Variants in APCDD1L observed in about 807,000 individuals in gnomAD.
The protein encoded by APCDD1L is APC down-regulated 1 like, also known as protein APCDD1-like.
A neutral mutation model predicts 24.2 loss-of-function variants in APCDD1L; 21 were observed. The ratio of observed to expected loss-of-function variants is 0.87; its 90% CI spans 0.61 to 1.25. The LOEUF (loss-of-function observed/expected upper bound fraction) is 1.25, where lower values mean the gene tolerates loss of function less well. Ranked by LOEUF, APCDD1L falls within the 50% of genes most tolerant of loss-of-function variation. The pLI, the probability that APCDD1L is intolerant of heterozygous loss-of-function variation, is 0.00. For synonymous variants in APCDD1L, 321 were observed against 323.6 expected, an observed-to-expected ratio of 0.99 and a Z score of 0.09; for missense variants, 704 against 711.7, an observed-to-expected ratio of 0.99 and a Z score of 0.12.
At chr20:58,504,412 T>A (rs1329787896) in intron 1 of APCDD1L, among the ~76,000 whole-genome samples, 1 of 152,156 alleles carries the variant, frequency 6.6e-6, no homozygotes, top group Non-Finnish European at 1.5e-5. Flanking sequence ...TAAGCAGCCA[T>A]GAGGCCATCA....
intron 3 of APCDD1L, among the ~76,000 whole-genome samples, chr20:58,464,872 C>G (rs1434129886): frequency 7.5e-6 from 1 of 134,014 alleles, no homozygotes; most frequent in Admixed American, 7.5e-5. Flanking sequence ...TTTTTTTTCT[C>G]CCAAGGAGAC....
chr20:58,467,777 C>T lies in APCDD1L; in HGVS notation c.189-119G>A, dbSNP rs542326338. 2 of 1,065,640 alleles carry T rather than the reference C, an allele frequency of 1.9e-6. No individual in the cohort carries two copies. The highest frequency in any genetic ancestry group is 1.7e-5 in the African/African-American group (1 of 60,022). 66.0% of individuals were successfully genotyped at this position (1,065,640 alleles called of 1,614,324 possible). ...CCCTCCTCTTAGTCCTCAGCTCAGGCCTGGGCCCCTCCAGCCTCAGTTCCC... is the reference window on the plus strand; with the variant it reads ...CCCTCCTCTTAGTCCTCAGCTCAGGTCTGGGCCCCTCCAGCCTCAGTTCCC... On this transcript the variant is annotated intron_variant, in intron 2 of 3. Transcript: ENST00000371149. The surrounding 1 kb of genome is among the most constrained non-coding windows in gnomAD (Gnocchi z 5.9).
At chr20:58,493,626 C>T (rs145632655) in intron 1 of APCDD1L, among the ~76,000 whole-genome samples, 3 of 152,102 alleles carry the variant, frequency 2.0e-5, no homozygotes, top group Non-Finnish European at 4.4e-5. Context: ...GGAGCTATGA[C>T]TTTCATCAAC....
At chr20:58,470,139 C>T (rs891988156) in intron 2 of APCDD1L, among the ~76,000 whole-genome samples, 2 of 152,218 alleles carry the variant, frequency 1.3e-5, no homozygotes, top group Non-Finnish European at 2.9e-5. Context: ...TTCCCTGGCT[C>T]TCTAGATGGC....
intron 1 of APCDD1L, among the ~76,000 whole-genome samples, chr20:58,490,391 C>T (rs901438869): frequency 6.6e-6 from 1 of 152,188 alleles, no homozygotes; most frequent in Non-Finnish European, 1.5e-5. Flanking sequence ...CATGGTGCAC[C>T]TTCACACCAT....
intron 1 of APCDD1L, among the ~76,000 whole-genome samples, chr20:58,502,349 C>T (rs1373470237): frequency 6.6e-6 from 1 of 152,194 alleles, no homozygotes; most frequent in Non-Finnish European, 1.5e-5. Flanking sequence ...GATCCACCCG[C>T]CTCGGCCTCC....
intron 1 of APCDD1L, among the ~76,000 whole-genome samples, chr20:58,495,264 T>C (rs1311208424): frequency 3.3e-5 from 5 of 152,130 alleles, no homozygotes. Flanking sequence ...ACACGGCCCC[T>C]TGTTCAAAAA....
At chr20:58,463,080 T>C (rs1989641872) in intron 3 of APCDD1L, among the ~76,000 whole-genome samples, 1 of 136,576 alleles carries the variant, frequency 7.3e-6, no homozygotes, top group Non-Finnish European at 1.5e-5. Flanking sequence ...AGGCAGAGGC[T>C]GCAGTGAGCC....
chr20:58,512,953 T>C (rs1484210898), intron 1 of APCDD1L, among the ~76,000 whole-genome samples: 1 of 152,108 alleles, frequency 6.6e-6, no homozygotes, highest in African/African-American at 2.4e-5. Flanking sequence ...CTGTCTGATT[T>C]GCTGTGGTGA....
At position 58,486,871 on chromosome 20, in the gene APCDD1L, T is replaced by C. The variant is rs554814020; in HGVS notation, c.50-16124A>G. 2.5e-3 allele frequency among the ~76,000 whole-genome samples: 342 copies of C among 136,376 alleles called. 2 individuals carry two copies. Among genetic ancestry groups the C allele is most frequent in the Non-Finnish European group, 3.5e-3 (227 of 64,076 alleles). The allele number at this position is 136,376 out of a possible 152,430, so 89.5% of individuals were successfully genotyped here. A position where few individuals can be genotyped will look rare whatever the true frequency, so the allele number is the denominator to read the frequency against. On this transcript the variant is annotated intron_variant, in intron 1 of 3. Transcript: ENST00000371149. ...GAGGGAAGGTTTTTTTTTTTTTTTTTTTTTTTTTGAGATGAAGTCTTGCTC... is the reference window on the plus strand; with the variant it reads ...GAGGGAAGGTTTTTTTTTTTTTTTTCTTTTTTTTGAGATGAAGTCTTGCTC...
At position 58,514,787 on chromosome 20, in the gene APCDD1L, G is replaced by T; in HGVS notation, c.-80C>A. The T allele has an allele frequency of 1.7e-6, 2 of 1,172,148 alleles. No homozygotes were observed. Among genetic ancestry groups the T allele is most frequent in the Non-Finnish European group, 2.2e-6 (2 of 921,158 alleles). 72.6% of individuals were successfully genotyped at this position (1,172,148 alleles called of 1,614,324 possible). A position where few individuals can be genotyped will look rare whatever the true frequency, so the allele number is the denominator to read the frequency against. ...GGCGCGGGCGCAGGGCTCTCGGACG[G>T]CTGCGGGCGCCGGCGGCCAGGCTGG... On this transcript the variant is annotated 5_prime_UTR_variant, in exon 1 of 4. Coordinates refer to ENST00000371149, the MANE Select transcript of APCDD1L (RefSeq NM_153360.3).
chr20:58,491,451 G>C (rs1230196450), intron 1 of APCDD1L, among the ~76,000 whole-genome samples: 1 of 152,100 alleles, frequency 6.6e-6, no homozygotes, highest in Non-Finnish European at 1.5e-5. Context: ...ATTACATCTT[G>C]TAACAGCACA....
At chr20:58,501,958 T>G (rs555667080) in intron 1 of APCDD1L, among the ~76,000 whole-genome samples, 1 of 152,220 alleles carries the variant, frequency 6.6e-6, no homozygotes, top group Admixed American at 6.5e-5. Flanking sequence ...TTTTCATCTC[T>G]TAGGACTGGG....
In APCDD1L at chr20:58,461,397, C is replaced by A; in HGVS notation, c.899G>T (p.Arg300Leu). 1 of 1,553,734 alleles carries A rather than the reference C, an allele frequency of 6.4e-7. No homozygotes were observed. Among genetic ancestry groups the A allele is most frequent in the Non-Finnish European group, 8.7e-7 (1 of 1,145,598 alleles). Residue 300 changes from arginine (R) to leucine (L), a missense_variant, in exon 4 of 4, where the codon CGG (arginine) becomes CTG (leucine). Arg to Leu is a moderately radical substitution (Grantham distance 102). Coordinates refer to ENST00000371149, the MANE Select transcript of APCDD1L (RefSeq NM_153360.3). The surrounding 1 kb of genome is among the most constrained non-coding windows in gnomAD (Gnocchi z 6.0). Reference protein sequence around the residue: ...EVRPAVLFLTRLFTFHGHSRS... With the variant: ...EVRPAVLFLTLLFTFHGHSRS... The stretch of plus-strand genomic sequence containing the variant: ...GCTGTGCCCGTGGAAAGTGAAGAGC[C>A]GGGTGAGGAACAGGACTGCTGGGCG...
chr20:58,467,876 T>C lies in APCDD1L; in HGVS notation c.189-218A>G, dbSNP rs1055746413. ...TGCCTCGTGGCCTCGACACAAGCCT[T>C]CTAGTTCATTCTCCTTTCCTTCAAT... On this transcript the variant is annotated intron_variant, in intron 2 of 3. Coordinates refer to ENST00000371149, the MANE Select transcript of APCDD1L (RefSeq NM_153360.3). This position sits in a 1 kb window ranked among gnomAD's most constrained non-coding sequence, Gnocchi z 5.9. Among the ~76,000 whole-genome samples, 3 of 152,222 alleles carry C rather than the reference T, an allele frequency of 2.0e-5. No individual in the cohort carries two copies. Among genetic ancestry groups the C allele is most frequent in the Middle Eastern group, 3.4e-3 (1 of 294 alleles).
Position 58,515,038 on chromosome 20 carries a change from CCCTGGCCGTCG to C in APCDD1L, c.-342_-332del, listed in dbSNP as rs1291068977. The C allele has an allele frequency of 3.9e-6, 1 of 258,244 alleles. No individual in the cohort carries two copies. Among genetic ancestry groups the C allele is most frequent in the African/African-American group, 2.2e-5 (1 of 44,894 alleles). The allele number at this position is 258,244 out of a possible 1,614,324, so 16.0% of individuals were successfully genotyped here. A position where few individuals can be genotyped will look rare whatever the true frequency, so the allele number is the denominator to read the frequency against. ...CCCAGCCCTCCCCCAGATGTCCGTCCCCTGGCCGTCGCCTTCCCCAAAGTCTTCGCAGTGGG... is the reference window on the plus strand; with the variant it reads ...CCCAGCCCTCCCCCAGATGTCCGTCCCCTTCCCCAAAGTCTTCGCAGTGGG... On this transcript the variant is annotated 5_prime_UTR_variant, in exon 1 of 4. Coordinates refer to ENST00000371149, the MANE Select transcript of APCDD1L (RefSeq NM_153360.3).
chr20:58,514,702 G>T lies in APCDD1L; in HGVS notation c.6C>A (p.Pro2=). M[P]AAMLPYACVL... ...CGCAAGCGTAGGGGAGCATGGCTGCGGGCATCCCGTCGGGGCTGGCAGGAC... is the reference window on the plus strand; with the variant it reads ...CGCAAGCGTAGGGGAGCATGGCTGCTGGCATCCCGTCGGGGCTGGCAGGAC... Residue 2 remains proline (P), a synonymous_variant, in exon 1 of 4, where the codon CCC becomes CCA. Transcript: ENST00000371149. The T allele has an allele frequency of 1.5e-6, 2 of 1,309,906 alleles. No individual in the cohort carries two copies. The highest frequency in any genetic ancestry group is 3.2e-5 in the South Asian group (1 of 31,276). The allele number at this position is 1,309,906 out of a possible 1,614,324, so 81.1% of individuals were successfully genotyped here.
Position 58,508,916 on chromosome 20 carries a change from G to A in APCDD1L, c.49+5743C>T, listed in dbSNP as rs1380771038. The stretch of plus-strand genomic sequence containing the variant: ...TGGGAAAGACTGTGTGCACATGCGT[G>A]AGTGTGCATGAGTGTGCGTGAGTGT... On this transcript the variant is annotated intron_variant, in intron 1 of 3. Coordinates refer to ENST00000371149, the MANE Select transcript of APCDD1L (RefSeq NM_153360.3). The surrounding 1 kb of genome is among the most constrained non-coding windows in gnomAD (Gnocchi z 4.0). Among the ~76,000 whole-genome samples the A allele has an allele frequency of 6.6e-6, 1 of 152,096 alleles. No homozygotes were observed. Among genetic ancestry groups the A allele is most frequent in the Non-Finnish European group, 1.5e-5 (1 of 68,018 alleles).
chr20:58,482,129 A>G (rs766061335), intron 1 of APCDD1L, among the ~76,000 whole-genome samples: 2 of 152,216 alleles, frequency 1.3e-5, no homozygotes, highest in Non-Finnish European at 2.9e-5. Flanking sequence ...AATTTAACAA[A>G]TCAATTTTTC....
Sources: allele counts gnomAD v4.1 joint callset (sites outside exome capture counted in the v4.1 genomes callset), GRCh38; gene constraint gnomAD v4.1.1; non-coding constraint Gnocchi (gnomAD v3.1); transcripts MANE v1.5; gene names NCBI Gene and HGNC (gene_info 2026-07-23, HGNC 2026-07-21).